ATP13A5: variants seen among roughly 807,000 people sequenced by gnomAD.
ATP13A5 encodes probable cation-transporting ATPase 13A5.
A neutral mutation model predicts 150.2 loss-of-function variants in ATP13A5; 149 were observed. The observed-to-expected ratio is 0.99, with a 90% CI of 0.87 to 1.14. The LOEUF is 1.14. Among genes scored for constraint, ATP13A5 ranks in the 50% most tolerant of loss-of-function variants. ATP13A5 has a pLI of 0.00. For missense variants in ATP13A5, 1,383 were observed against 1,449.3 expected, an observed-to-expected ratio of 0.95 and a Z score of 0.74; for synonymous variants, 497 against 522.2, an observed-to-expected ratio of 0.95 and a Z score of 0.66.
At chr3:193,358,520 A>G (rs976599267) in intron 5 of ATP13A5, among the ~76,000 whole-genome samples, 5 of 152,216 alleles carry the variant, frequency 3.3e-5, no homozygotes, top group African/African-American at 1.2e-4. Context: ...AAACATCTCT[A>G]TTTCATTACA....
At chr3:193,284,437 C>A (rs994198559) in intron 27 of ATP13A5, among the ~76,000 whole-genome samples, 3 of 152,104 alleles carry the variant, frequency 2.0e-5, no homozygotes, top group African/African-American at 7.2e-5. Context: ...AAGTGCCAGA[C>A]CCTTTACATA....
rs1358340716 is a variant in ATP13A5 at position 193,344,047 on chromosome 3, C to T, written c.823G>A (p.Glu275Lys). 2 of 1,612,880 alleles carry T rather than the reference C, an allele frequency of 1.2e-6. No individual in the cohort carries two copies. The highest frequency in any genetic ancestry group is 2.2e-5 in the East Asian group (1 of 44,810). The change falls in exon 9 of 30, where the codon GAG (glutamate) becomes AAG (lysine). Residue 275 changes from glutamate to lysine, a missense_variant. By Grantham distance (56) the Glu-to-Lys change is moderately conservative (BLOSUM62 1). Around this residue, in one of 3 missense-constraint regions of ATP13A5, gnomAD observed 787 missense variants for 771.9 expected, o/e 1.02. Transcript: ENST00000342358. ...GGAACCAAGAGACGGGATTCCAGCT[C>T]CTCCAAACCTACACCAAAGCAAAGT... ...TIIVKDKGLE[E>K]LESRLLVPGD...
intron 7 of ATP13A5, among the ~76,000 whole-genome samples, chr3:193,345,876 C>T (rs1037104960): frequency 6.6e-6 from 1 of 152,082 alleles, no homozygotes. Flanking sequence ...GCCTCTGTCT[C>T]CTTGTCTGTA....
At chr3:193,365,738 C>G (rs1455263011) in intron 1 of ATP13A5, among the ~76,000 whole-genome samples, 2 of 152,052 alleles carry the variant, frequency 1.3e-5, no homozygotes, top group Non-Finnish European at 2.9e-5. Flanking sequence ...TCATAAATAA[C>G]TTTCTCTTTT....
intron 13 of ATP13A5, among the ~76,000 whole-genome samples, 187 bp from the exon 14 acceptor site, chr3:193,325,201 T>A (rs938819156): frequency 1.3e-5 from 2 of 152,330 alleles, no homozygotes; most frequent in East Asian, 3.9e-4. Flanking sequence ...CCACTTCGGA[T>A]CTACCTTACC....
intron 27 of ATP13A5, among the ~76,000 whole-genome samples, chr3:193,283,258 A>G (rs1464250375): frequency 3.3e-5 from 5 of 152,296 alleles, no homozygotes; most frequent in African/African-American, 1.2e-4. Flanking sequence ...CTCAAACTAT[A>G]CACCAAAATT....
At chr3:193,306,385 C>T (rs1200188809) in intron 22 of ATP13A5, among the ~76,000 whole-genome samples, 2 of 151,760 alleles carry the variant, frequency 1.3e-5, no homozygotes, top group Non-Finnish European at 2.9e-5. Context: ...TTGTTTTATT[C>T]TAAACGCCAC....
chr3:193,377,657 G>C lies in ATP13A5; in HGVS notation c.63+1006C>G, dbSNP rs534563474. ...TAGCAAACAGGGATAGGTGGAGGGA[G>C]AGCCGGTATGGATTTGCCCCAGATC... On this transcript the variant is annotated intron_variant, in intron 1 of 29. Coordinates refer to ENST00000342358, the MANE Select transcript of ATP13A5 (RefSeq NM_198505.4). 2.0e-5 allele frequency among the ~76,000 whole-genome samples: 3 copies of C among 152,310 alleles called. No individual in the cohort carries two copies. In the East Asian group the frequency reaches 5.8e-4, roughly 29 times the overall value.
At chr3:193,373,435 C>T (rs562719733) in intron 1 of ATP13A5, among the ~76,000 whole-genome samples, 10 of 119,544 alleles carry the variant, frequency 8.4e-5, no homozygotes, top group South Asian at 3.1e-4. Context: ...TGAGCCACCG[C>T]GCCCAGGCAA....
At chr3:193,304,653 T>G (rs180711809) in intron 23 of ATP13A5, among the ~76,000 whole-genome samples, 1 of 152,254 alleles carries the variant, frequency 6.6e-6, no homozygotes, top group Non-Finnish European at 1.5e-5. Context: ...TAACTACATT[T>G]AAAATATAAG....
At chr3:193,371,431 C>T (rs146947166) in intron 1 of ATP13A5, among the ~76,000 whole-genome samples, 222 of 152,310 alleles carry the variant, frequency 1.5e-3, no homozygotes, top group Non-Finnish European at 2.1e-3. Flanking sequence ...TAATACAACA[C>T]AGATTTACTG....
In ATP13A5 at chr3:193,333,957, G is replaced by A. The variant is rs762633489; in HGVS notation, c.1115-50C>T. On this transcript the variant is annotated intron_variant, in intron 10 of 29. Transcript: ENST00000342358. ...AGTAAGGCTGCTTGATGGACACTTG[G>A]TCTCCTAAAAATGGCTTTACTGTCT... 1.9e-6 allele frequency: 3 copies of A among 1,560,690 alleles called. No individual in the cohort carries two copies. The South Asian group carries it at 3.5e-5, about 18-fold the overall frequency.
At chr3:193,322,329 A>G (rs1210531458) in intron 15 of ATP13A5, among the ~76,000 whole-genome samples, 162 bp downstream of exon 15, 1 of 152,238 alleles carries the variant, frequency 6.6e-6, no homozygotes, top group African/African-American at 2.4e-5. Flanking sequence ...TGTTTGTTGA[A>G]TAAATTAATA....
At position 193,295,831 on chromosome 3, in the gene ATP13A5, G is replaced by A. The variant is rs1332590240; in HGVS notation, c.2848+3300C>T. 2.0e-5 allele frequency among the ~76,000 whole-genome samples: 3 copies of A among 152,124 alleles called. No individual in the cohort carries two copies. In the East Asian group the frequency reaches 5.8e-4, roughly 29 times the overall value. On this transcript the variant is annotated intron_variant, in intron 25 of 29. Transcript: ENST00000342358. ...CTGTCTGTACAAGATAAAACTTATGGAGATTATCAAGCAATTCTTTAAAGG... is the reference window on the plus strand; with the variant it reads ...CTGTCTGTACAAGATAAAACTTATGAAGATTATCAAGCAATTCTTTAAAGG...
intron 13 of ATP13A5, among the ~76,000 whole-genome samples, chr3:193,326,214 C>A (rs1019719452): frequency 1.3e-5 from 2 of 152,178 alleles, no homozygotes; most frequent in African/African-American, 4.8e-5. Flanking sequence ...CAGAGGCCAT[C>A]GCCGCTCAAA....
intron 13 of ATP13A5, among the ~76,000 whole-genome samples, chr3:193,325,300 C>A (rs113977514): frequency 6.6e-6 from 1 of 152,228 alleles, no homozygotes; most frequent in African/African-American, 2.4e-5. Flanking sequence ...TGTCCAGAGA[C>A]TTCTCTGCTC....
Position 193,362,636 on chromosome 3 carries a change from A to G in ATP13A5, c.386T>C (p.Leu129Pro). The change falls in exon 4 of 30, where the codon CTG (leucine) becomes CCG (proline). Residue 129 changes from leucine to proline, a missense_variant and splice_region_variant. Leu to Pro is a moderately conservative substitution (Grantham distance 98, BLOSUM62 -3). This residue lies in a region of ATP13A5 where 787 missense variants were observed against 771.9 expected (regional missense o/e 1.02). Coordinates refer to ENST00000342358, the MANE Select transcript of ATP13A5 (RefSeq NM_198505.4). The part of the protein sequence containing the change: ...NQALIKPELK[L>P]RCMEVQKIRY... Reference sequence around the variant, plus strand: ...GATTTTCTGCACTTCCATGCACCGCAGCTACGATTGCAAATGTGATAGAGC... The same window carrying G: ...GATTTTCTGCACTTCCATGCACCGCGGCTACGATTGCAAATGTGATAGAGC... 5 of 1,614,154 alleles carry G rather than the reference A, an allele frequency of 3.1e-6. No homozygotes were observed. Among genetic ancestry groups the G allele is most frequent in the Non-Finnish European group, 4.2e-6 (5 of 1,179,964 alleles).
At chr3:193,322,758 T>C (rs1303538489) in intron 14 of ATP13A5, among the ~76,000 whole-genome samples, 184 bp from the exon 15 acceptor site, 2 of 152,244 alleles carry the variant, frequency 1.3e-5, no homozygotes, top group Non-Finnish European at 2.9e-5. Flanking sequence ...AGGGGCCTTA[T>C]TGTAGAATGT....
At chr3:193,300,259 G>T (rs184803262) in intron 24 of ATP13A5, among the ~76,000 whole-genome samples, 1 of 152,002 alleles carries the variant, frequency 6.6e-6, no homozygotes, top group African/African-American at 2.4e-5. Context: ...ATTTCCAACC[G>T]CAGCTTTAGT....
Sources: allele counts gnomAD v4.1 joint callset (sites outside exome capture counted in the v4.1 genomes callset), GRCh38; gene constraint gnomAD v4.1.1; regional missense constraint gnomAD v4.1.1; transcripts MANE v1.5; gene names NCBI Gene and HGNC (gene_info 2026-07-23, HGNC 2026-07-21).